ITFG2: variants seen among roughly 807,000 people sequenced by gnomAD.
ITFG2 encodes KICSTOR complex protein ITFG2.
Under a neutral mutation model 54.4 loss-of-function variants are expected in ITFG2, and 36 were observed. The ratio of observed to expected loss-of-function variants is 0.66; its 90% CI spans 0.51 to 0.87. ITFG2 has a LOEUF of 0.87. Among genes scored for constraint, ITFG2 ranks in the 40% least tolerant of loss-of-function variants. The pLI, the probability that ITFG2 is intolerant of heterozygous loss-of-function variation, is 0.00. For synonymous variants in ITFG2, 211 were observed against 225.4 expected (o/e 0.94, Z 0.57); for missense variants, 524 against 576.7 (o/e 0.91, Z 0.94).
chr12:2,856,519 C>A (rs961133316), intron 2 of ITFG2, among the ~76,000 whole-genome samples: 2 of 152,170 alleles, frequency 1.3e-5, no homozygotes, highest in African/African-American at 4.8e-5. Context: ...GCGCGTGCCA[C>A]CATGCCTGGC....
intron 2 of ITFG2, among the ~76,000 whole-genome samples, chr12:2,846,403 C>T (rs758967918): frequency 1.1e-4 from 16 of 152,184 alleles, no homozygotes; most frequent in Non-Finnish European, 1.6e-4. Flanking sequence ...TGCCCAGGGC[C>T]TCTCGCTGTG....
chr12:2,849,239 G>A (rs1228281578), intron 2 of ITFG2: 1 of 1,535,678 alleles, frequency 6.5e-7, no homozygotes, highest in African/African-American at 1.4e-5. Context: ...TTCTAGAAGT[G>A]TCCAGGTCTT....
At chr12:2,856,147 C>T (rs1357134015) in intron 2 of ITFG2, among the ~76,000 whole-genome samples, 1 of 152,154 alleles carries the variant, frequency 6.6e-6, no homozygotes, top group East Asian at 1.9e-4. Flanking sequence ...GTATTGCTAT[C>T]GTCCCCATCT....
chr12:2,839,957 G>A (rs546828275), intron 1 of ITFG2, among the ~76,000 whole-genome samples: 19 of 152,266 alleles, frequency 1.2e-4, no homozygotes, highest in African/African-American at 4.6e-4. Context: ...CTCCAAAAGC[G>A]AGGAAGGAAA....
chr12:2,832,195 C>G (rs1485492285), upstream of ITFG2, among the ~76,000 whole-genome samples: 2 of 152,124 alleles, frequency 1.3e-5, no homozygotes, highest in Non-Finnish European at 2.9e-5. Context: ...TTGAGAAGCA[C>G]CAAAGTAAAA....
downstream of ITFG2, chr12:2,828,556 G>A (rs563956094): frequency 1.7e-5 from 12 of 692,108 alleles, no homozygotes; most frequent in South Asian, 9.0e-5. Flanking sequence ...GGCTTTTATC[G>A]GGGCCAGGCG....
chr12:2,826,814 GT>G, downstream of ITFG2: 1 of 266,092 alleles, frequency 3.8e-6, no homozygotes, highest in South Asian at 4.2e-5. Context: ...AGACATGGTG[GT>G]GTGGGAAGTT....
chr12:2,830,236 T>G (rs1379017393), intron 2 of ITFG2: 1 of 152,506 alleles, frequency 6.6e-6, no homozygotes, highest in Non-Finnish European at 1.5e-5. Flanking sequence ...CCAGAATGAT[T>G]GGAGAGCAAG....
rs200127502 is a variant in ITFG2 at position 2,823,939 on chromosome 12, C to T, written c.1236C>T (p.Gly412=). The change falls in exon 11 of 12, where the codon GGC becomes GGT. Residue 412 remains glycine (G), a synonymous_variant. Transcript: ENST00000228799. ...PEYHSLLQEL[G]VDPDDLPVTR... ...ACCACAGCCTGCTGCAGGAGCTGGG[C>T]GTGGGTGAGTCCCAGAAAAGCCAGT... is the stretch of plus-strand genomic sequence containing the variant. The T allele has an allele frequency of 6.2e-6, 10 of 1,612,596 alleles. No individual in the cohort carries two copies. The East Asian group carries it at 1.1e-4, about 18-fold the overall frequency.
In ITFG2 at chr12:2,820,821, A is replaced by G. The variant is rs575134327; in HGVS notation, c.644A>G (p.Lys215Arg). The G allele has an allele frequency of 1.2e-6, 2 of 1,614,070 alleles. No individual in the cohort carries two copies. Among genetic ancestry groups the G allele is most frequent in the South Asian group, 2.2e-5 (2 of 91,064 alleles). ...TATGCAATTCTACTGTGTACCTGGA[A>G]AAAGGACACTGGGTCCCCTCCTGCC... ...CAYAILLCTW[K>R]KDTGSPPASE... is the part of the protein sequence containing the mutation. The change falls in exon 6 of 12, where the codon AAA (lysine) becomes AGA (arginine). Residue 215 changes from lysine (K) to arginine (R), a missense_variant. Physicochemically the swap from Lys to Arg is conservative, Grantham distance 26. Coordinates refer to ENST00000228799, the MANE Select transcript of ITFG2 (RefSeq NM_018463.4).
In ITFG2 at chr12:2,824,341, T is replaced by C; in HGVS notation, c.*148T>C. 2 of 837,984 alleles carry C rather than the reference T, an allele frequency of 2.4e-6. No homozygotes were observed. The highest frequency in any genetic ancestry group is 1.4e-5 in the South Asian group (1 of 69,854). 51.9% of individuals were successfully genotyped at this position (837,984 alleles called of 1,614,324 possible). On this transcript the variant is annotated 3_prime_UTR_variant, in exon 12 of 12. Transcript: ENST00000228799. The stretch of plus-strand genomic sequence containing the variant: ...ATGAAAGATGGCAGCAGCCCTAGGG[T>C]GACCGTGAACTATAGACCTCGCAGT...
chr12:2,826,952 T>G (rs943672934), downstream of ITFG2: 30 of 1,313,244 alleles, frequency 2.3e-5, no homozygotes, highest in East Asian at 6.6e-4. Context: ...GCTTTGCTTT[T>G]CTTGGGAGGA....
chr12:2,824,493 C>T lies in ITFG2; in HGVS notation c.*300C>T, dbSNP rs961841354. 4.8e-6 allele frequency: 2 copies of T among 413,034 alleles called. No individual in the cohort carries two copies. Among genetic ancestry groups the T allele is most frequent in the East Asian group, 5.5e-5 (1 of 18,172 alleles). The allele number at this position is 413,034 out of a possible 1,614,324, so 25.6% of individuals were successfully genotyped here. ...CATCTGGGACATGACCCACTCCCCA[C>T]TGTCACTGTGTTGAAAACAGAGACT... On this transcript the variant is annotated 3_prime_UTR_variant, in exon 12 of 12. Transcript: ENST00000228799.
intron 4 of ITFG2, 174 bp from the exon 5 acceptor site, chr12:2,819,912 A>G: frequency 1.5e-6 from 1 of 685,876 alleles, no homozygotes; most frequent in East Asian, 3.0e-5. Flanking sequence ...AGATGGACCA[A>G]ATGGACGGGC....
intron 2 of ITFG2, chr12:2,849,071 G>A (rs1189168899): frequency 3.0e-6 from 2 of 668,964 alleles, no homozygotes; most frequent in East Asian, 5.6e-5. Context: ...CAATAGCCTG[G>A]GGTACAGAGG....
chr12:2,821,360 G>A lies in ITFG2; in HGVS notation c.793+1G>A, dbSNP rs773369443. 4.4e-6 allele frequency: 7 copies of A among 1,604,806 alleles called. No homozygotes were observed. Among genetic ancestry groups the A allele is most frequent in the Non-Finnish European group, 6.0e-6 (7 of 1,174,986 alleles). On this transcript the variant is annotated splice_donor_variant, in intron 7 of 11. Coordinates refer to ENST00000228799, the MANE Select transcript of ITFG2 (RefSeq NM_018463.4). LOFTEE classifies it high-confidence loss of function. ...CACCTAATTGGCAACATCAAACAAG[G>A]TGAAAGTGTGGTGGGTGTGAGGGAG...
At chr12:2,832,397 C>G (rs1340564136), upstream of ITFG2, among the ~76,000 whole-genome samples, 1 of 151,996 alleles carries the variant, frequency 6.6e-6, no homozygotes, top group African/African-American at 2.4e-5. Flanking sequence ...CTTTTTGCCT[C>G]CATGTCTTCA....
At chr12:2,818,442 C>A in intron 4 of ITFG2, 165 bp downstream of exon 4, 1 of 1,404,938 alleles carries the variant, frequency 7.1e-7, no homozygotes, top group Non-Finnish European at 9.6e-7. Flanking sequence ...ACTGGAATTG[C>A]CATAGTGAAT....
At chr12:2,849,315 A>T (rs1436513248) in intron 2 of ITFG2, 1 of 1,536,116 alleles carries the variant, frequency 6.5e-7, no homozygotes, top group South Asian at 1.2e-5. Context: ...GGGGTAAGGC[A>T]GTTCTGTCCT....
Sources: allele counts gnomAD v4.1 joint callset (sites outside exome capture counted in the v4.1 genomes callset), GRCh38; gene constraint gnomAD v4.1.1; transcripts MANE v1.5; gene names NCBI Gene and HGNC (gene_info 2026-07-23, HGNC 2026-07-21).